The following NFATC2 variants were observed in gnomAD, a reference collection of about 807,000 sequenced individuals.
The protein encoded by NFATC2 is nuclear factor of activated T cells 2.
NFATC2 carries 22 observed loss-of-function variants against 87.3 expected under a neutral mutation model. The ratio of observed to expected loss-of-function variants is 0.25; its 90% CI spans 0.18 to 0.36. NFATC2 has a LOEUF of 0.36. Ranked by LOEUF, NFATC2 falls within the 10% of genes least tolerant of loss-of-function variation. The pLI is 1.00. For synonymous variants in NFATC2, 565 were observed against 542.2 expected, an observed-to-expected ratio of 1.04 and a Z score of -0.58; for missense variants, 1,149 against 1,259.1, an observed-to-expected ratio of 0.91 and a Z score of 1.32.
chr20:51,501,022 G>C (rs1214952937), intron 3 of NFATC2, among the ~76,000 whole-genome samples: 1 of 150,592 alleles, frequency 6.6e-6, no homozygotes, highest in East Asian at 2.0e-4. Context: ...AAAATGAGCT[G>C]GCAACCAGTG....
chr20:51,391,579 G>C, intron 10 of NFATC2, 128 bp from the exon 11 acceptor site: 1 of 1,006,904 alleles, frequency 9.9e-7, no homozygotes, highest in Admixed American at 2.0e-5. Flanking sequence ...GTCTTGCTCT[G>C]TCACCCAGGC....
rs1049495975 is a variant in NFATC2 at position 51,410,878 on chromosome 20, A to AT, written c.2723-12149dup. On this transcript the variant is annotated intron_variant, in intron 9 of 10. Coordinates refer to ENST00000371564, the MANE Select transcript of NFATC2 (RefSeq NM_012340.5). Reference sequence around the variant, plus strand: ...CAGCTGAAATCTATTTCTTTCTGGCATTTTTTTCTTCCTTACTAGACTGTA... The same window carrying AT: ...CAGCTGAAATCTATTTCTTTCTGGCATTTTTTTTCTTCCTTACTAGACTGTA... Among the ~76,000 whole-genome samples, 7 of 152,036 alleles carry AT rather than the reference A, an allele frequency of 4.6e-5. 1 individual carries two copies. Among genetic ancestry groups the AT allele is most frequent in the Non-Finnish European group, 2.9e-5 (2 of 67,994 alleles).
chr20:51,391,599 A>G, intron 10 of NFATC2, 148 bp from the exon 11 acceptor site: 1 of 840,588 alleles, frequency 1.2e-6, no homozygotes, highest in South Asian at 1.6e-5. Context: ...CTGGAGTGCA[A>G]TGGCATGATC....
intron 8 of NFATC2, among the ~76,000 whole-genome samples, chr20:51,433,546 A>G (rs1051598147): frequency 6.6e-6 from 1 of 152,164 alleles, no homozygotes; most frequent in African/African-American, 2.4e-5. Context: ...ATCATCCATC[A>G]TGACTACCAC....
intron 3 of NFATC2, among the ~76,000 whole-genome samples, chr20:51,485,036 C>A (rs1335091007): frequency 6.6e-6 from 1 of 152,246 alleles, no homozygotes; most frequent in Non-Finnish European, 1.5e-5. Context: ...ATATTTCTCA[C>A]ATCACTGAAA....
At chr20:51,424,072 G>C (rs564356270) in intron 9 of NFATC2, among the ~76,000 whole-genome samples, 3 of 152,258 alleles carry the variant, frequency 2.0e-5, no homozygotes, top group Admixed American at 6.5e-5. Context: ...AGAGGGAAAC[G>C]AGAGATGCCC....
chr20:51,392,458 C>A (rs1986467061), intron 10 of NFATC2, among the ~76,000 whole-genome samples: 2 of 152,148 alleles, frequency 1.3e-5, no homozygotes, highest in African/African-American at 4.8e-5. Context: ...GCACTGAGAT[C>A]TTAGGATAGT....
intron 10 of NFATC2, among the ~76,000 whole-genome samples, chr20:51,397,278 A>C (rs940251725): frequency 6.6e-6 from 1 of 152,204 alleles, no homozygotes; most frequent in African/African-American, 2.4e-5. Flanking sequence ...GTAACTTCCC[A>C]GTGTTCATCT....
At chr20:51,420,322 G>A (rs527576106) in intron 9 of NFATC2, among the ~76,000 whole-genome samples, 3 of 152,278 alleles carry the variant, frequency 2.0e-5, no homozygotes, top group South Asian at 2.1e-4. Flanking sequence ...CCAACTCCAC[G>A]TACCTCCTGT....
chr20:51,405,839 G>C (rs76477596), intron 9 of NFATC2, among the ~76,000 whole-genome samples: 10,833 of 152,254 alleles, frequency 0.071, 461 homozygotes, highest in Middle Eastern at 0.14. Context: ...GCTTTCAACT[G>C]TCTCCCAGAG....
intron 3 of NFATC2, among the ~76,000 whole-genome samples, chr20:51,504,617 G>T (rs944593880): frequency 3.3e-5 from 5 of 152,190 alleles, no homozygotes; most frequent in Non-Finnish European, 7.3e-5. Flanking sequence ...CAAACAAAAT[G>T]ATTTCCATTT....
chr20:51,482,985 A>T (rs75751682), intron 3 of NFATC2, among the ~76,000 whole-genome samples: 11,281 of 152,228 alleles, frequency 0.074, 1,378 homozygotes, highest in African/African-American at 0.25. Flanking sequence ...CTGAGGGGGC[A>T]TTCACTATCA....
intron 9 of NFATC2, among the ~76,000 whole-genome samples, chr20:51,402,197 G>T (rs771766020): frequency 2.2e-4 from 33 of 152,150 alleles, no homozygotes; most frequent in Non-Finnish European, 4.6e-4. Flanking sequence ...TAAGCTGCCC[G>T]ACAAGGAAGG....
At chr20:51,476,316 A>G (rs1366921765) in intron 3 of NFATC2, among the ~76,000 whole-genome samples, 2 of 147,524 alleles carry the variant, frequency 1.4e-5, no homozygotes, top group Non-Finnish European at 3.0e-5. Context: ...CTATATTCCA[A>G]TGAACAAAGT....
At chr20:51,554,140 C>G (rs1025833371) in intron 1 of NFATC2, among the ~76,000 whole-genome samples, 4 of 152,120 alleles carry the variant, frequency 2.6e-5, no homozygotes, top group Admixed American at 2.6e-4. Flanking sequence ...ACACCCCCAC[C>G]GCCTCCAAAA....
intron 6 of NFATC2, among the ~76,000 whole-genome samples, chr20:51,450,477 G>A (rs143612838): frequency 2.6e-5 from 4 of 152,272 alleles, no homozygotes; most frequent in East Asian, 3.9e-4. Flanking sequence ...AGAGTTCAAG[G>A]CCAGCCTGGG....
chr20:51,562,366 A>G lies in NFATC2; in HGVS notation c.70+194T>C, dbSNP rs1006751572. 1.3e-5 allele frequency among the ~76,000 whole-genome samples: 2 copies of G among 152,156 alleles called. No individual in the cohort carries two copies. Among genetic ancestry groups the G allele is most frequent in the African/African-American group, 4.8e-5 (2 of 41,444 alleles). ...AAAGTTGTCCAAAGTCGCCTTCCCA[A>G]GTGTCCCTTCCCTGGCCGGGGCGCG... is the stretch of plus-strand genomic sequence containing the variant. On this transcript the variant is annotated intron_variant, in intron 1 of 10. Transcript: ENST00000414705. The surrounding 1 kb of genome is among the most constrained non-coding windows in gnomAD (Gnocchi z 5.8).
chr20:51,399,469 C>A (rs1054197842), intron 9 of NFATC2, among the ~76,000 whole-genome samples: 7 of 151,660 alleles, frequency 4.6e-5, no homozygotes, highest in Non-Finnish European at 1.0e-4. Context: ...AATAATGCAG[C>A]GTTATTAGAA....
chr20:51,398,605 G>A (rs1987591521), intron 10 of NFATC2, 38 bp downstream of exon 10: 2 of 1,462,618 alleles, frequency 1.4e-6, no homozygotes, highest in Admixed American at 2.1e-5. Flanking sequence ...GAAACACACA[G>A]CTGGAAAACA....
Sources: gnomAD v4.1 joint callset for allele counts (sites outside exome capture counted in the v4.1 genomes callset) on GRCh38, gnomAD v4.1.1 for gene constraint, Gnocchi (gnomAD v3.1) non-coding constraint, MANE v1.5 for transcripts, NCBI Gene and HGNC (gene_info 2026-07-23, HGNC 2026-07-21) for gene names.